HOOK1: variants seen among roughly 807,000 people sequenced by gnomAD.
The protein encoded by HOOK1 is hook microtubule tethering protein 1.
A neutral mutation model predicts 112.8 loss-of-function variants in HOOK1; 60 were observed. That is an observed-to-expected ratio of 0.53 (90% confidence interval 0.43 to 0.66). The LOEUF is 0.66. Ranked by LOEUF, HOOK1 falls within the 30% of genes least tolerant of loss-of-function variation. The probability of loss-of-function intolerance (pLI) is 0.00; values close to 1 mark genes in which losing one functional copy is unlikely to be tolerated. For missense variants in HOOK1, 770 were observed against 856.0 expected, an observed-to-expected ratio of 0.90 and a Z score of 1.25; for synonymous variants, 294 against 283.8, an observed-to-expected ratio of 1.04 and a Z score of -0.36.
chr1:59,821,921 A>G lies in HOOK1; in HGVS notation c.127A>G (p.Met43Val). Residue 43 changes from methionine to valine, a missense_variant, in exon 2 of 22, where the codon ATG becomes GTG. Physicochemically the swap from Met to Val is conservative, Grantham distance 21 (BLOSUM62 1). This residue lies in a region of HOOK1 where 655 missense variants were observed against 725.9 expected (regional missense o/e 0.90). Coordinates refer to ENST00000371208, the MANE Select transcript of HOOK1 (RefSeq NM_015888.6). The stretch of plus-strand genomic sequence containing the variant: ...CAAACAGCTGACTAGTGGAGTTGCC[A>G]TGGCACAAGTTCTTCATCAAATGTG... ...DVKQLTSGVA[M>V]AQVLHQIDAA... 1 of 1,612,452 alleles carries G rather than the reference A, an allele frequency of 6.2e-7. No individual in the cohort carries two copies. Among genetic ancestry groups the G allele is most frequent in the Non-Finnish European group, 8.5e-7 (1 of 1,179,296 alleles).
At position 59,822,158 on chromosome 1, in the gene HOOK1, ATGT is replaced by A. The variant is rs1429247940; in HGVS notation, c.149+216_149+218del. 3.3e-5 allele frequency among the ~76,000 whole-genome samples: 5 copies of A among 152,282 alleles called. No individual in the cohort carries two copies. In the East Asian group the frequency reaches 9.6e-4, roughly 29 times the overall value. On this transcript the variant is annotated intron_variant, in intron 2 of 21. Transcript: ENST00000371208. ...TCATAGAGATACATCTTAACTGGAT[ATGT>A]GATCAGGATTCTTATTTATTCAAGT...
intron 7 of HOOK1, among the ~76,000 whole-genome samples, chr1:59,838,001 A>G (rs1175814500): frequency 3.9e-5 from 6 of 152,094 alleles, no homozygotes; most frequent in Non-Finnish European, 7.4e-5. Flanking sequence ...AGCTTCATCC[A>G]TGTCCCTGCA....
intron 1 of HOOK1, among the ~76,000 whole-genome samples, chr1:59,815,681 G>A (rs2098380855): frequency 6.6e-6 from 1 of 151,910 alleles, no homozygotes; most frequent in South Asian, 2.1e-4. Context: ...TTTAGTTCCC[G>A]GACCAATGCT....
chr1:59,815,049 G>A lies in HOOK1; in HGVS notation c.-69G>A. 1 of 1,453,358 alleles carries A rather than the reference G, an allele frequency of 6.9e-7. No individual in the cohort carries two copies. The highest frequency in any genetic ancestry group is 9.2e-7 in the Non-Finnish European group (1 of 1,083,502). The allele number at this position is 1,453,358 out of a possible 1,614,324, so 90.0% of individuals were successfully genotyped here. ...GGGGGCTAGCAGGTCGTGGACGCCG[G>A]CTCCTGGAGGAGAGCCGGTAGGAGG... On this transcript the variant is annotated 5_prime_UTR_variant, in exon 1 of 22. Transcript: ENST00000371208.
intron 1 of HOOK1, among the ~76,000 whole-genome samples, chr1:59,820,661 T>C (rs1394897999): frequency 6.6e-6 from 1 of 152,138 alleles, no homozygotes; most frequent in Non-Finnish European, 1.5e-5. Context: ...AAACCCTAAT[T>C]AGATTAGTTG....
chr1:59,869,530 T>A (rs902212458), intron 20 of HOOK1, among the ~76,000 whole-genome samples: 1 of 152,164 alleles, frequency 6.6e-6, no homozygotes, highest in Non-Finnish European at 1.5e-5. Flanking sequence ...GAATGTTATA[T>A]TTCAAAGAAA....
At chr1:59,815,421 C>G in intron 1 of HOOK1, 3 of 562,782 alleles carry the variant, frequency 5.3e-6, no homozygotes, top group Non-Finnish European at 9.5e-6. Flanking sequence ...AGTGGAGGCT[C>G]TGGTCTCAAC....
At chr1:59,815,682 G>C (rs1173147100) in intron 1 of HOOK1, among the ~76,000 whole-genome samples, 1 of 151,934 alleles carries the variant, frequency 6.6e-6, no homozygotes, top group Admixed American at 6.6e-5. Flanking sequence ...TTAGTTCCCG[G>C]ACCAATGCTC....
At chr1:59,845,577 G>GT (rs887831172) in intron 9 of HOOK1, among the ~76,000 whole-genome samples, 21 of 142,302 alleles carry the variant, frequency 1.5e-4, no homozygotes, top group South Asian at 2.2e-4. Flanking sequence ...TTTTGTTTTT[G>GT]TTTTTTTTTT....
chr1:59,860,791 T>C (rs78334658), intron 15 of HOOK1, among the ~76,000 whole-genome samples: 1 of 151,296 alleles, frequency 6.6e-6, no homozygotes, highest in African/African-American at 2.4e-5. Flanking sequence ...TTTTTTTTTT[T>C]GAGACGGAGT....
chr1:59,869,900 A>T (rs1345128097), intron 20 of HOOK1, among the ~76,000 whole-genome samples: 1 of 152,214 alleles, frequency 6.6e-6, no homozygotes, highest in Non-Finnish European at 1.5e-5. Flanking sequence ...AAACTCATGA[A>T]TTTATTCCAC....
At chr1:59,857,833 C>G (rs2098411517) in intron 12 of HOOK1, among the ~76,000 whole-genome samples, 1 of 152,122 alleles carries the variant, frequency 6.6e-6, no homozygotes, top group Admixed American at 6.6e-5. Context: ...TATGAAGTAC[C>G]AGCTTGCTGT....
chr1:59,834,317 G>A (rs1279826106), intron 5 of HOOK1, among the ~76,000 whole-genome samples: 1 of 152,114 alleles, frequency 6.6e-6, no homozygotes, highest in East Asian at 1.9e-4. Context: ...GACTAATGAA[G>A]AAAGGATATA....
At chr1:59,831,161 A>G (rs2098393698) in intron 3 of HOOK1, among the ~76,000 whole-genome samples, 1 of 152,046 alleles carries the variant, frequency 6.6e-6, no homozygotes, top group South Asian at 2.1e-4. Context: ...TCAGCCTCCC[A>G]ATTAAGTATA....
chr1:59,840,220 G>T (rs1040472558), intron 7 of HOOK1, 88 bp from the exon 8 acceptor site: 68 of 715,706 alleles, frequency 9.5e-5, no homozygotes, highest in Non-Finnish European at 1.3e-4. Flanking sequence ...CAGTGTATAT[G>T]TGTGTTGTGA....
At chr1:59,849,287 C>T in intron 12 of HOOK1, 104 bp downstream of exon 12, 1 of 598,864 alleles carries the variant, frequency 1.7e-6, no homozygotes, top group East Asian at 3.2e-5. Flanking sequence ...TTCTCTCTTC[C>T]TCCAGATTGA....
In HOOK1 at chr1:59,817,329, C is replaced by T. The variant is rs1374856436; in HGVS notation, c.63+2149C>T. On this transcript the variant is annotated intron_variant, in intron 1 of 21. Transcript: ENST00000371208. Reference sequence around the variant, plus strand: ...TTGAGTTTCTTTCCTCTAAGACTTTCACTTCATTACCAGTTTGCTAAATCC... The same window carrying T: ...TTGAGTTTCTTTCCTCTAAGACTTTTACTTCATTACCAGTTTGCTAAATCC... 5.9e-5 allele frequency among the ~76,000 whole-genome samples: 9 copies of T among 152,190 alleles called. No individual in the cohort carries two copies. In the East Asian group the frequency reaches 1.7e-3, roughly 29 times the overall value.
At chr1:59,859,703 T>C (rs2098412545) in intron 14 of HOOK1, among the ~76,000 whole-genome samples, 1 of 151,906 alleles carries the variant, frequency 6.6e-6, no homozygotes, top group African/African-American at 2.4e-5. Context: ...TTTAATAAAA[T>C]TTTTTTCAGA....
At chr1:59,858,120 G>T (rs918476863) in intron 12 of HOOK1, among the ~76,000 whole-genome samples, 1 of 152,176 alleles carries the variant, frequency 6.6e-6, no homozygotes, top group Non-Finnish European at 1.5e-5. Context: ...TGGTGAAATT[G>T]GTATTCAAAC....
Sources: gnomAD v4.1 joint callset for allele counts (sites outside exome capture counted in the v4.1 genomes callset) on GRCh38, gnomAD v4.1.1 for gene constraint, gnomAD v4.1.1 regional missense constraint, MANE v1.5 for transcripts, NCBI Gene and HGNC (gene_info 2026-07-23, HGNC 2026-07-21) for gene names.